The following NOTCH1 variants were observed in gnomAD, a reference collection of about 807,000 sequenced individuals.
NOTCH1 encodes notch receptor 1, also known as neurogenic locus notch homolog protein 1.
NOTCH1 carries 37 observed loss-of-function variants against 254.8 expected under a neutral mutation model. The ratio of observed to expected loss-of-function variants is 0.15; its 90% CI spans 0.11 to 0.19. The LOEUF is 0.19. Among genes scored for constraint, NOTCH1 ranks in the 10% least tolerant of loss-of-function variants. The pLI, the probability that NOTCH1 is intolerant of heterozygous loss-of-function variation, is 1.00. For synonymous variants in NOTCH1, 1,731 were observed against 1,618.1 expected (o/e 1.07, Z -1.68); for missense variants, 2,972 against 3,708.6 (o/e 0.80, Z 5.16).
chr9:136,499,956 G>A (rs530390646), intron 31 of NOTCH1, among the ~76,000 whole-genome samples: 96 of 152,322 alleles, frequency 6.3e-4, no homozygotes, highest in Admixed American at 1.4e-3. Flanking sequence ...GTAACTCCCC[G>A]GGCTGTGCCC....
chr9:136,543,961 G>A (rs563810916), intron 2 of NOTCH1, 63 bp downstream of exon 2: 3 of 1,433,064 alleles, frequency 2.1e-6, no homozygotes, highest in African/African-American at 2.8e-5. Context: ...TCCCCTGCGC[G>A]GCTGCAGAAG....
In NOTCH1 at chr9:136,540,290, G is replaced by A. The variant is rs940035540; in HGVS notation, c.140+3734C>T. Among the ~76,000 whole-genome samples the A allele has an allele frequency of 3.3e-5, 5 of 152,176 alleles. No homozygotes were observed. Among genetic ancestry groups the A allele is most frequent in the East Asian group, 1.9e-4 (1 of 5,184 alleles). On this transcript the variant is annotated intron_variant, in intron 2 of 33. Coordinates refer to ENST00000651671, the MANE Select transcript of NOTCH1 (RefSeq NM_017617.5). This position sits in a 1 kb window ranked among gnomAD's most constrained non-coding sequence, Gnocchi z 4.4. ...CCGGGGGCCTGGCCTGGAGCAGAAC[G>A]CAGCACACAGCAGGCGCTCAAACGT...
At chr9:136,519,340 G>T in intron 5 of NOTCH1, 103 bp downstream of exon 5, 1 of 1,526,506 alleles carries the variant, frequency 6.6e-7, no homozygotes, top group Non-Finnish European at 9.0e-7. Flanking sequence ...CCTGGCCTGG[G>T]ACAGGGTCTC....
intron 2 of NOTCH1, among the ~76,000 whole-genome samples, chr9:136,542,657 G>A (rs1843748761): frequency 6.6e-6 from 1 of 150,980 alleles, no homozygotes; most frequent in African/African-American, 2.4e-5. Context: ...TCAGTTTGGG[G>A]AGGGTGGGGG....
In NOTCH1 at chr9:136,496,485, G is replaced by T. The variant is rs957959974; in HGVS notation, c.7254C>A (p.His2418Gln). The T allele has an allele frequency of 6.2e-7, 1 of 1,601,748 alleles. No individual in the cohort carries two copies. The stretch of plus-strand genomic sequence containing the variant: ...CGCTGGCTGCTGAGCTCACGCCAAG[G>T]TGCGGCTGTGGTGGTGGTGGTGGCG... ...LQPPPPPPQP[H>Q]LGVSSAASGH... is the part of the protein sequence containing the mutation. The change falls in exon 34 of 34, where the codon CAC becomes CAA. Residue 2418 changes from histidine (H) to glutamine (Q), a missense_variant. Physicochemically the swap from His to Gln is conservative, Grantham distance 24. Around this residue, in one of 8 missense-constraint regions of NOTCH1, gnomAD observed 529 missense variants for 529.2 expected, o/e 1.00. Transcript: ENST00000651671.
At chr9:136,515,837 C>G (rs1410950422) in intron 10 of NOTCH1, 121 bp from the exon 11 acceptor site, 8 of 1,145,482 alleles carry the variant, frequency 7.0e-6, no homozygotes, top group Non-Finnish European at 3.6e-6. Flanking sequence ...GCATTCCCAC[C>G]TACTCAGGAT....
In NOTCH1 at chr9:136,517,421, G is replaced by A. The variant is rs12343463; in HGVS notation, c.1442-36C>T. The A allele has an allele frequency of 2.7e-3, 3,680 of 1,374,442 alleles. 69 individuals carry two copies. The African/African-American group carries it at 0.047, about 17-fold the overall frequency. 85.1% of individuals were successfully genotyped at this position (1,374,442 alleles called of 1,614,324 possible). Reference sequence around the variant, plus strand: ...GGGCAACAGTGAGGGGGGCACGCGCGGCCCCAGTGCCCCACTGGGCACAGC... The same window carrying A: ...GGGCAACAGTGAGGGGGGCACGCGCAGCCCCAGTGCCCCACTGGGCACAGC... On this transcript the variant is annotated intron_variant, in intron 8 of 33. Coordinates refer to ENST00000651671, the MANE Select transcript of NOTCH1 (RefSeq NM_017617.5).
chr9:136,507,971 C>T lies in NOTCH1; in HGVS notation c.3494G>A (p.Gly1165Asp). The T allele has an allele frequency of 1.2e-6, 2 of 1,612,592 alleles. No homozygotes were observed. The highest frequency in any genetic ancestry group is 1.7e-6 in the Non-Finnish European group (2 of 1,179,948). ...GACCCCCACCTTGCAGGAGTAGCCG[C>T]CCAGGTAGTCCGTGCAGGTGGCCCC... Reference protein sequence around the residue: ...QNGATCTDYLGGYSCKCVAGY... With the variant: ...QNGATCTDYLDGYSCKCVAGY... The change falls in exon 21 of 34, where the codon GGC becomes GAC. Residue 1165 changes from glycine to aspartate, a missense_variant. Gly to Asp is a moderately conservative substitution (Grantham distance 94). This residue lies in a region of NOTCH1 where 1,343 missense variants were observed against 1,557.0 expected (regional missense o/e 0.86). Transcript: ENST00000651671.
intron 25 of NOTCH1, 30 bp from the exon 26 acceptor site, chr9:136,505,134 C>A (rs1257481535): frequency 1.1e-5 from 17 of 1,597,460 alleles, no homozygotes; most frequent in African/African-American, 1.3e-5. Context: ...CTCAGGCCGC[C>A]TTCCTCGGGG....
chr9:136,545,720 G>T lies in NOTCH1; in HGVS notation c.61+6C>A. 1.4e-6 allele frequency: 2 copies of T among 1,434,862 alleles called. No individual in the cohort carries two copies. Among genetic ancestry groups the T allele is most frequent in the South Asian group, 1.4e-5 (1 of 73,506 alleles). 88.9% of individuals were successfully genotyped at this position (1,434,862 alleles called of 1,614,324 possible). A position where few individuals can be genotyped will look rare whatever the true frequency, so the allele number is the denominator to read the frequency against. ...AGTGGGGGCTCGCGGGTGGGTGGGC[G>T]CCTACCTCGTGCGGCGAGCGCGGGC... On this transcript the variant is annotated splice_donor_region_variant and intron_variant, in intron 1 of 33. Transcript: ENST00000651671. This position sits in a 1 kb window ranked among gnomAD's most constrained non-coding sequence, Gnocchi z 6.8.
intron 2 of NOTCH1, among the ~76,000 whole-genome samples, chr9:136,537,366 AC>A (rs1224508759): frequency 6.6e-6 from 1 of 152,156 alleles, no homozygotes; most frequent in Non-Finnish European, 1.5e-5. Flanking sequence ...GGGGCAAAAG[AC>A]CACCTATGGC....
intron 4 of NOTCH1, among the ~76,000 whole-genome samples, chr9:136,521,316 C>T (rs1843363360): frequency 6.6e-6 from 1 of 152,168 alleles, no homozygotes; most frequent in Admixed American, 6.5e-5. Flanking sequence ...TCTACCCACA[C>T]TCAAGTGAGT....
rs1478449371 is a variant in NOTCH1 at position 136,506,902 on chromosome 9, A to C, written c.3715T>G (p.Phe1239Val). Residue 1239 changes from phenylalanine to valine, a missense_variant, in exon 23 of 34, where the codon TTT becomes GTT. Phe to Val is a conservative substitution (Grantham distance 50). Coordinates refer to ENST00000651671, the MANE Select transcript of NOTCH1 (RefSeq NM_017617.5). This position sits in a 1 kb window ranked among gnomAD's most constrained non-coding sequence, Gnocchi z 4.5. ...VDPVSRSPKC[F>V]NNGTCVDQVG... ...TGGTCCACGCAGGTGCCGTTGTTAA[A>C]GCACTTGGGGCTCCGGGACACGGGG... 2 of 1,611,792 alleles carry C rather than the reference A, an allele frequency of 1.2e-6. No individual in the cohort carries two copies. The highest frequency in any genetic ancestry group is 3.3e-5 in the Admixed American group (2 of 59,924).
chr9:136,514,502 C>A lies in NOTCH1; in HGVS notation c.2207+8G>T. On this transcript the variant is annotated splice_region_variant and intron_variant, in intron 13 of 33. Coordinates refer to ENST00000651671, the MANE Select transcript of NOTCH1 (RefSeq NM_017617.5). ...TGATGTGTCCCCATGATCGGCCCCG[C>A]CGCATACCCGTTGAGGCTGTCCCGG... 1 of 1,565,396 alleles carries A rather than the reference C, an allele frequency of 6.4e-7. No individual in the cohort carries two copies. Among genetic ancestry groups the A allele is most frequent in the Non-Finnish European group, 8.6e-7 (1 of 1,156,204 alleles).
Position 136,545,912 on chromosome 9 carries a change from G to A in NOTCH1, c.-126C>T, listed in dbSNP as rs1022695004. The A allele has an allele frequency of 3.0e-6, 1 of 328,090 alleles. No individual in the cohort carries two copies. The highest frequency in any genetic ancestry group is 4.7e-6 in the Non-Finnish European group (1 of 211,950). The allele number at this position is 328,090 out of a possible 1,614,324, so 20.3% of individuals were successfully genotyped here. ...GGACGGTCCCGCCCTCTCTTCCCCG[G>A]CTGGCTGGCGGCGCTGTGCTCTCGC... On this transcript the variant is annotated 5_prime_UTR_variant, in exon 1 of 34. Transcript: ENST00000651671. The surrounding 1 kb of genome is among the most constrained non-coding windows in gnomAD (Gnocchi z 6.8).
At position 136,513,138 on chromosome 9, in the gene NOTCH1, G is replaced by A; in HGVS notation, c.2354-4C>T. On this transcript the variant is annotated splice_polypyrimidine_tract_variant and splice_region_variant and intron_variant, in intron 14 of 33. Transcript: ENST00000651671. This position sits in a 1 kb window ranked among gnomAD's most constrained non-coding sequence, Gnocchi z 4.7. ...ATGTTGGTCTGGCAGTTGGGACCTG[G>A]AGGGAAGGGGACAGCACTCGGCATG... 4 of 1,609,650 alleles carry A rather than the reference G, an allele frequency of 2.5e-6. No homozygotes were observed. The highest frequency in any genetic ancestry group is 3.4e-6 in the Non-Finnish European group (4 of 1,177,050).
At chr9:136,528,019 C>G (rs1843495585) in intron 2 of NOTCH1, among the ~76,000 whole-genome samples, 1 of 152,116 alleles carries the variant, frequency 6.6e-6, no homozygotes, top group African/African-American at 2.4e-5. Context: ...AGACCTTTCA[C>G]CCAGGACGAA....
intron 9 of NOTCH1, among the ~76,000 whole-genome samples, chr9:136,516,810 C>A (rs1288043984): frequency 6.6e-6 from 1 of 152,216 alleles, no homozygotes; most frequent in Non-Finnish European, 1.5e-5. Context: ...CCACTCCCCA[C>A]TGGGCCCTGC....
Position 136,506,758 on chromosome 9 carries a change from G to A in NOTCH1, c.3859C>T (p.Arg1287Cys), listed in dbSNP as rs751275854. Reference sequence around the variant, plus strand: ...CACTCGCAGTGGAAGTCATTGACGCGCTGCACGCAGTTCTGGGTGCCACGG... The same window carrying A: ...CACTCGCAGTGGAAGTCATTGACGCACTGCACGCAGTTCTGGGTGCCACGG... Reference protein sequence around the residue: ...DARGTQNCVQRVNDFHCECRA... With the variant: ...DARGTQNCVQCVNDFHCECRA... The change falls in exon 23 of 34, where the codon CGC becomes TGC. Residue 1287 changes from arginine to cysteine, a missense_variant. By Grantham distance (180) the Arg-to-Cys change is radical. Transcript: ENST00000651671. The surrounding 1 kb of genome is among the most constrained non-coding windows in gnomAD (Gnocchi z 4.5). 4.4e-6 allele frequency: 7 copies of A among 1,605,728 alleles called. No individual in the cohort carries two copies. Among genetic ancestry groups the A allele is most frequent in the Admixed American group, 1.7e-5 (1 of 59,046 alleles).
Sources: gnomAD v4.1 joint callset for allele counts (sites outside exome capture counted in the v4.1 genomes callset) on GRCh38, gnomAD v4.1.1 for gene constraint, gnomAD v4.1.1 regional missense constraint, Gnocchi (gnomAD v3.1) non-coding constraint, MANE v1.5 for transcripts, NCBI Gene and HGNC (gene_info 2026-07-23, HGNC 2026-07-21) for gene names.